TMEM231: variants seen among roughly 807,000 people sequenced by gnomAD.
The protein encoded by TMEM231 is transmembrane protein 231.
Under a neutral mutation model 38.5 loss-of-function variants are expected in TMEM231, and 40 were observed. That is an observed-to-expected ratio of 1.04 (90% CI 0.81 to 1.35). The LOEUF is 1.35. Ranked by LOEUF, TMEM231 falls within the 40% of genes most tolerant of loss-of-function variation. TMEM231 has a pLI of 0.00. For synonymous variants in TMEM231, 199 were observed against 181.7 expected, an observed-to-expected ratio of 1.10 and a Z score of -0.77; for missense variants, 420 against 416.9, an observed-to-expected ratio of 1.01 and a Z score of -0.07.
intron 2 of TMEM231, among the ~76,000 whole-genome samples, chr16:75,550,946 A>AC (rs887724655): frequency 6.6e-6 from 1 of 151,992 alleles, no homozygotes; most frequent in African/African-American, 2.4e-5. Flanking sequence ...AGAACTCCCT[A>AC]CCTCAGGTGA....
rs1039636730 is a variant in TMEM231, at chr16:75,539,097, A to C, written c.*897T>G. 2 of 151,724 alleles carry C rather than the reference A, an allele frequency of 1.3e-5. No homozygotes were observed. Among genetic ancestry groups the C allele is most frequent in the Non-Finnish European group, 2.9e-5 (2 of 67,934 alleles). 9.4% of individuals were successfully genotyped at this position (151,724 alleles called of 1,614,324 possible). A position where few individuals can be genotyped will look rare whatever the true frequency, so the allele number is the denominator to read the frequency against. On this transcript the variant is annotated 3_prime_UTR_variant, in exon 7 of 7. Coordinates refer to ENST00000258173, the MANE Select transcript of TMEM231 (RefSeq NM_001077418.3). ...TTGTCAGGCAGCGGGAGCCAATCCC[A>C]ACACCAACCCCTGTCGCCCCTGTCC...
chr16:75,541,218 C>T lies in TMEM231; in HGVS notation c.770+132G>A, dbSNP rs1384095452. 1.6e-5 allele frequency: 6 copies of T among 383,780 alleles called. No individual in the cohort carries two copies. The East Asian group carries it at 2.5e-4, about 16-fold the overall frequency. The allele number at this position is 383,780 out of a possible 1,614,324, so 23.8% of individuals were successfully genotyped here. A position where few individuals can be genotyped will look rare whatever the true frequency, so the allele number is the denominator to read the frequency against. On this transcript the variant is annotated intron_variant, in intron 6 of 6. Transcript: ENST00000258173. ...TTTTTTTGGTAGAGACAGGGACTCACTATCTTGGCCAGGCTGGTTGTGAAC... is the reference window on the plus strand; with the variant it reads ...TTTTTTTGGTAGAGACAGGGACTCATTATCTTGGCCAGGCTGGTTGTGAAC...
chr16:75,549,378 A>T (rs2080729461), intron 2 of TMEM231, among the ~76,000 whole-genome samples: 1 of 152,184 alleles, frequency 6.6e-6, no homozygotes. Context: ...CCACCACCTT[A>T]TATCTACAAC....
At chr16:75,543,341 T>C (rs2080649080) in intron 4 of TMEM231, among the ~76,000 whole-genome samples, 1 of 152,176 alleles carries the variant, frequency 6.6e-6, no homozygotes, top group South Asian at 2.1e-4. Flanking sequence ...CCCAGGCAGA[T>C]GGATCACTTG....
In TMEM231 at chr16:75,541,427, G is replaced by A; in HGVS notation, c.693C>T (p.Pro231=). 2 of 1,611,888 alleles carry A rather than the reference G, an allele frequency of 1.2e-6. No homozygotes were observed. The highest frequency in any genetic ancestry group is 1.7e-6 in the Non-Finnish European group (2 of 1,178,742). Residue 231 remains proline (P), a synonymous_variant, in exon 6 of 7, where the codon CCC becomes CCT. Coordinates refer to ENST00000258173, the MANE Select transcript of TMEM231 (RefSeq NM_001077418.3). Reference sequence around the variant, plus strand: ...CTGCGGCCCTGCCCACCAGCCAGATGGGGTTGGGATCATTCAGGACGGTGG... The same window carrying A: ...CTGCGGCCCTGCCCACCAGCCAGATAGGGTTGGGATCATTCAGGACGGTGG... The part of the protein sequence containing the change: ...NVTTVLNDPN[P]IWLVGRAADA...
At chr16:75,550,085 C>T (rs2151706038) in intron 2 of TMEM231, among the ~76,000 whole-genome samples, 2 of 152,278 alleles carry the variant, frequency 1.3e-5, no homozygotes, top group African/African-American at 4.8e-5. Flanking sequence ...GATATCCCAG[C>T]AACACAGAGA....
chr16:75,549,711 T>C (rs1200146780), intron 2 of TMEM231, among the ~76,000 whole-genome samples: 1 of 152,120 alleles, frequency 6.6e-6, no homozygotes, highest in Non-Finnish European at 1.5e-5. Flanking sequence ...AGAGGGAATT[T>C]TTTTGTTTTT....
At chr16:75,554,028 T>C (rs1021306410) in intron 2 of TMEM231, among the ~76,000 whole-genome samples, 2 of 152,286 alleles carry the variant, frequency 1.3e-5, no homozygotes, top group Middle Eastern at 3.4e-3. Flanking sequence ...TTACCCCCAA[T>C]AGAGTTAAAA....
intron 2 of TMEM231, among the ~76,000 whole-genome samples, chr16:75,546,761 A>G (rs1363365357): frequency 6.6e-6 from 1 of 152,200 alleles, no homozygotes; most frequent in Non-Finnish European, 1.5e-5. Context: ...CTCTGTTTAT[A>G]GATTCTGAAA....
At chr16:75,552,488 A>T (rs2080774317) in intron 2 of TMEM231, among the ~76,000 whole-genome samples, 1 of 152,148 alleles carries the variant, frequency 6.6e-6, no homozygotes, top group Non-Finnish European at 1.5e-5. Flanking sequence ...AATTCATAAA[A>T]GAAACTAAAA....
intron 2 of TMEM231, among the ~76,000 whole-genome samples, chr16:75,553,750 T>C (rs962842638): frequency 3.3e-5 from 5 of 152,122 alleles, no homozygotes; most frequent in Admixed American, 3.3e-4. Flanking sequence ...CTTGAACTCC[T>C]GGGCTCAAGC....
At chr16:75,544,691 G>A (rs534760471) in intron 4 of TMEM231, among the ~76,000 whole-genome samples, 1 of 152,314 alleles carries the variant, frequency 6.6e-6, no homozygotes, top group African/African-American at 2.4e-5. Context: ...TCATTTTACA[G>A]TGTCCTTCGG....
At position 75,556,215 on chromosome 16, in the gene TMEM231, C is replaced by T. The variant is rs3743602; in HGVS notation, c.-6G>A. On this transcript the variant is annotated 5_prime_UTR_variant, in exon 1 of 7. It adds an upstream start codon to the 5' untranslated region. Coordinates refer to ENST00000258173, the MANE Select transcript of TMEM231 (RefSeq NM_001077418.3). ...AAGAGCTCATAGAGCGCCATGAGCA[C>T]CGCTCGCAGGCACTCCGCGAGCCGG... 2.1e-6 allele frequency: 3 copies of T among 1,416,722 alleles called. No individual in the cohort carries two copies. The highest frequency in any genetic ancestry group is 3.0e-5 in the Admixed American group (1 of 32,822). The allele number at this position is 1,416,722 out of a possible 1,614,324, so 87.8% of individuals were successfully genotyped here. A position where few individuals can be genotyped will look rare whatever the true frequency, so the allele number is the denominator to read the frequency against.
rs768880109 is a variant in TMEM231, at chr16:75,555,853, G to A, written c.260C>T (p.Pro87Leu). ...ATCCCCTTGCAGCCGGTTGAAGGCG[G>A]GGAACGTGCTCCAGGCGAGGAACCC... ...SDGFLAWSTFPAFNRLQGDRL... is the reference protein window; with the variant it reads ...SDGFLAWSTFLAFNRLQGDRL... Residue 87 changes from proline to leucine, a missense_variant, in exon 2 of 7, where the codon CCC (proline) becomes CTC (leucine). Transcript: ENST00000258173. 2 of 1,583,556 alleles carry A rather than the reference G, an allele frequency of 1.3e-6. No individual in the cohort carries two copies. Among genetic ancestry groups the A allele is most frequent in the East Asian group, 2.3e-5 (1 of 43,712 alleles).
At position 75,542,677 on chromosome 16, in the gene TMEM231, C is replaced by CGGGA. The variant is rs2080640826; in HGVS notation, c.588_589insTCCC (p.Val197SerfsTer12). On this transcript the variant is annotated frameshift_variant, in exon 5 of 7. Transcript: ENST00000258173. LOFTEE classifies it high-confidence loss of function. The stretch of plus-strand genomic sequence containing the variant: ...GCAAAGGGGCTGGTCCCGTTGATCA[C>CGGGA]GGATATCTGGGACACGGGAGGAGGA... The CGGGA allele has an allele frequency of 6.2e-7, 1 of 1,613,786 alleles. No homozygotes were observed. The highest frequency in any genetic ancestry group is 2.2e-5 in the East Asian group (1 of 44,870).
chr16:75,543,364 C>T (rs887009139), intron 4 of TMEM231, among the ~76,000 whole-genome samples: 2 of 152,186 alleles, frequency 1.3e-5, no homozygotes, highest in Non-Finnish European at 2.9e-5. Flanking sequence ...ACCAGGAGTT[C>T]GAGACCAGTC....
chr16:75,551,275 G>T (rs1167042565), intron 2 of TMEM231, among the ~76,000 whole-genome samples: 2 of 151,986 alleles, frequency 1.3e-5, no homozygotes, highest in Non-Finnish European at 2.9e-5. Flanking sequence ...ACAGCTCATT[G>T]CAGCCTTGAC....
At chr16:75,545,736 A>G (rs1391071076) in intron 3 of TMEM231, 90 bp downstream of exon 3, 19 of 624,244 alleles carry the variant, frequency 3.0e-5, no homozygotes, top group Non-Finnish European at 4.0e-5. Context: ...AGGGCCCGCT[A>G]GAGTGCGGGT....
In TMEM231 at chr16:75,540,014, A is replaced by G. The variant is rs778497925; in HGVS notation, c.931T>C (p.Cys311Arg). The change falls in exon 7 of 7, where the codon TGT (cysteine) becomes CGT (arginine). Residue 311 changes from cysteine (C) to arginine (R), a missense_variant. Physicochemically the swap from Cys to Arg is radical, Grantham distance 180. Transcript: ENST00000258173. ...CCTTTCTAGGATAAGTGCTCCTTACACAAGTCTCCCCGGGGCGTCACTGTC... is the reference window on the plus strand; with the variant it reads ...CCTTTCTAGGATAAGTGCTCCTTACGCAAGTCTCCCCGGGGCGTCACTGTC... ...PVTVTPRGDL[C>R]KEHLS The G allele has an allele frequency of 6.2e-7, 1 of 1,612,648 alleles. No individual in the cohort carries two copies. The highest frequency in any genetic ancestry group is 1.1e-5 in the South Asian group (1 of 90,832).
Sources: allele counts gnomAD v4.1 joint callset (sites outside exome capture counted in the v4.1 genomes callset), GRCh38; gene constraint gnomAD v4.1.1; transcripts MANE v1.5; gene names NCBI Gene and HGNC (gene_info 2026-07-23, HGNC 2026-07-21).